Variants in DDX50 observed in about 807,000 individuals in gnomAD.
DDX50 encodes ATP-dependent RNA helicase DDX50.
A neutral mutation model predicts 94.8 loss-of-function variants in DDX50; 56 were observed. That is an observed-to-expected ratio of 0.59 (90% CI 0.48 to 0.74). DDX50 has a LOEUF of 0.74. Ranked by LOEUF, DDX50 falls within the 30% of genes least tolerant of loss-of-function variation. The probability of loss-of-function intolerance (pLI) is 0.00; values close to 1 mark genes in which losing one functional copy is unlikely to be tolerated. For synonymous variants in DDX50, 264 were observed against 295.4 expected (o/e 0.89, Z 1.09); for missense variants, 713 against 881.2 (o/e 0.81, Z 2.42).
At chr10:68,941,258 G>A in intron 13 of DDX50, 64 bp downstream of exon 13, 2 of 1,579,464 alleles carry the variant, frequency 1.3e-6, no homozygotes, top group East Asian at 2.3e-5. Context: ...ACAAACACTA[G>A]CAAATTTTGT....
At chr10:68,920,694 C>A (rs1402096626) in intron 8 of DDX50, among the ~76,000 whole-genome samples, 3 of 151,446 alleles carry the variant, frequency 2.0e-5, no homozygotes, top group Non-Finnish European at 2.9e-5. Context: ...GGCTGTAATC[C>A]CAGCACTTTG....
chr10:68,919,235 G>A (rs942210657), intron 7 of DDX50, among the ~76,000 whole-genome samples: 2 of 152,136 alleles, frequency 1.3e-5, no homozygotes, highest in South Asian at 2.1e-4. Context: ...GACTTTTTAT[G>A]TCTTGTTTCA....
intron 7 of DDX50, among the ~76,000 whole-genome samples, chr10:68,914,523 CAAAG>C (rs1053965953): frequency 8.6e-5 from 13 of 151,952 alleles, no homozygotes; most frequent in African/African-American, 1.2e-4. Flanking sequence ...TACAACGTGA[CAAAG>C]AAGGCGATTT....
At chr10:68,937,183 TG>T in intron 12 of DDX50, 88 bp downstream of exon 12, 1 of 1,359,534 alleles carries the variant, frequency 7.4e-7, no homozygotes, top group Non-Finnish European at 9.7e-7. Flanking sequence ...GTGCTTTTTG[TG>T]CAGAAAAAAA....
chr10:68,925,156 T>C (rs1009005215), intron 8 of DDX50, among the ~76,000 whole-genome samples: 1 of 138,146 alleles, frequency 7.2e-6, no homozygotes, highest in Non-Finnish European at 1.5e-5. Flanking sequence ...CAGATTGGAG[T>C]GCAATGGTGC....
intron 6 of DDX50, 22 bp from the exon 7 acceptor site, chr10:68,914,037 G>C (rs999821093): frequency 1.0e-5 from 16 of 1,554,076 alleles, no homozygotes; most frequent in Non-Finnish European, 1.4e-5. Context: ...GAAAACATTT[G>C]AATTCTTTTT....
chr10:68,935,798 G>A (rs1354145308), intron 10 of DDX50, among the ~76,000 whole-genome samples: 1 of 152,116 alleles, frequency 6.6e-6, no homozygotes, highest in East Asian at 1.9e-4. Flanking sequence ...TCACGCCACT[G>A]CACTCCAGCC....
chr10:68,904,591 A>G (rs943297384), intron 1 of DDX50, among the ~76,000 whole-genome samples: 1 of 152,190 alleles, frequency 6.6e-6, no homozygotes, highest in Non-Finnish European at 1.5e-5. Flanking sequence ...ATAAAGTGTA[A>G]CTGAAACCAA....
In DDX50 at chr10:68,907,024, T is replaced by C. The variant is rs774401394; in HGVS notation, c.384+17T>C. On this transcript the variant is annotated intron_variant, in intron 2 of 14. Transcript: ENST00000373585. ...CTAGAGGAGGTATGGAAGCTTTTTA[T>C]TTTGCATTTGACATTGTTGTTGAAC... 9 of 1,567,488 alleles carry C rather than the reference T, an allele frequency of 5.7e-6. No homozygotes were observed. Among genetic ancestry groups the C allele is most frequent in the Non-Finnish European group, 3.4e-6 (4 of 1,166,558 alleles).
At chr10:68,936,549 T>G (rs1409843386) in intron 11 of DDX50, among the ~76,000 whole-genome samples, 1 of 92,982 alleles carries the variant, frequency 1.1e-5, no homozygotes, top group African/African-American at 4.0e-5. Context: ...TATATATATA[T>G]AAAATGTGGC....
chr10:68,934,382 G>C lies in DDX50; in HGVS notation c.1401+22G>C. The C allele has an allele frequency of 6.8e-6, 11 of 1,608,252 alleles. No individual in the cohort carries two copies. The highest frequency in any genetic ancestry group is 9.3e-6 in the Non-Finnish European group (11 of 1,178,542). On this transcript the variant is annotated intron_variant, in intron 9 of 14. Coordinates refer to ENST00000373585, the MANE Select transcript of DDX50 (RefSeq NM_024045.2). The surrounding 1 kb of genome is among the most constrained non-coding windows in gnomAD (Gnocchi z 4.0). ...TCAGGTAGGAAATGGGATTTGATTT[G>C]GGAAAAATAAGAGCAATTTTATAAA...
At chr10:68,919,646 G>A (rs1400468983) in intron 7 of DDX50, among the ~76,000 whole-genome samples, 186 bp from the exon 8 acceptor site, 1 of 152,028 alleles carries the variant, frequency 6.6e-6, no homozygotes, top group Admixed American at 6.6e-5. Context: ...ACTGCAGTTT[G>A]TTTATTCTTT....
intron 1 of DDX50, among the ~76,000 whole-genome samples, chr10:68,902,150 G>A (rs541682448): frequency 5.6e-4 from 77 of 136,340 alleles, no homozygotes; most frequent in Middle Eastern, 9.6e-3. Flanking sequence ...GGAGCCTGTA[G>A]AGGAGTTGTA....
chr10:68,937,474 A>C (rs1029408878), intron 12 of DDX50, among the ~76,000 whole-genome samples: 3 of 152,104 alleles, frequency 2.0e-5, no homozygotes, highest in African/African-American at 7.2e-5. Context: ...CGTACATACC[A>C]TGTATAGGTA....
chr10:68,931,443 A>G (rs1490804496), intron 8 of DDX50, among the ~76,000 whole-genome samples: 1 of 141,964 alleles, frequency 7.0e-6, no homozygotes. Context: ...ACACACACAC[A>G]CACAATTTTT....
chr10:68,929,376 TCTTTCCTTC>T (rs1476008741), intron 8 of DDX50, among the ~76,000 whole-genome samples: 5 of 151,228 alleles, frequency 3.3e-5, no homozygotes, highest in East Asian at 1.9e-4. Context: ...TCCTTTCCTT[TCTTTCCTTC>T]CTTTCCTTTC....
intron 4 of DDX50, among the ~76,000 whole-genome samples, chr10:68,912,689 A>G (rs1841665772): frequency 6.6e-6 from 1 of 152,216 alleles, no homozygotes; most frequent in South Asian, 2.1e-4. Context: ...CAAATTAGAT[A>G]ATTCCTGTAA....
chr10:68,913,224 A>G lies in DDX50; in HGVS notation c.702A>G (p.Ile234Met). 1.2e-6 allele frequency: 2 copies of G among 1,613,598 alleles called. No individual in the cohort carries two copies. Among genetic ancestry groups the G allele is most frequent in the South Asian group, 2.2e-5 (2 of 90,818 alleles). The change falls in exon 5 of 15, where the codon ATA (isoleucine) becomes ATG (methionine). Residue 234 changes from isoleucine to methionine, a missense_variant. Ile to Met is a conservative substitution (Grantham distance 10). Coordinates refer to ENST00000373585, the MANE Select transcript of DDX50 (RefSeq NM_024045.2). Reference sequence around the variant, plus strand: ...AAGTAGCCAAAGACTTCAAAGATATAACTAGGAAACTCAGCGTGGCGTGTT... The same window carrying G: ...AAGTAGCCAAAGACTTCAAAGATATGACTAGGAAACTCAGCGTGGCGTGTT... Reference protein sequence around the residue: ...ANQVAKDFKDITRKLSVACFY... With the variant: ...ANQVAKDFKDMTRKLSVACFY...
At chr10:68,926,044 G>A (rs1842075209) in intron 8 of DDX50, among the ~76,000 whole-genome samples, 1 of 145,036 alleles carries the variant, frequency 6.9e-6, no homozygotes, top group Admixed American at 7.1e-5. Context: ...CAGTTGTGGT[G>A]GCACGTTCCT....
Sources: allele counts gnomAD v4.1 joint callset (sites outside exome capture counted in the v4.1 genomes callset), GRCh38; gene constraint gnomAD v4.1.1; non-coding constraint Gnocchi (gnomAD v3.1); transcripts MANE v1.5; gene names NCBI Gene and HGNC (gene_info 2026-07-23, HGNC 2026-07-21).